Variants in ALK observed in about 807,000 individuals in gnomAD.
ALK encodes the protein ALK receptor tyrosine kinase.
A neutral mutation model predicts 163.1 loss-of-function variants in ALK; 74 were observed. That is an observed-to-expected ratio of 0.45 (90% CI 0.38 to 0.55). The LOEUF is 0.55. Among genes scored for constraint, ALK ranks in the 20% least tolerant of loss-of-function variants. ALK has a pLI of 0.00. For missense variants in ALK, 2,063 were observed against 2,105.3 expected (o/e 0.98, Z 0.39); for synonymous variants, 960 against 843.2 (o/e 1.14, Z -2.40).
chr2:29,232,600 A>G (rs562466798), intron 14 of ALK, 152 bp from the exon 15 acceptor site: 234 of 1,034,344 alleles, frequency 2.3e-4, no homozygotes, highest in Middle Eastern at 2.3e-3. Flanking sequence ...CGGGCTCTGA[A>G]CCCTTGTTAC....
chr2:29,870,950 T>C (rs796664704), intron 1 of ALK, among the ~76,000 whole-genome samples: 7 of 152,294 alleles, frequency 4.6e-5, no homozygotes, highest in Admixed American at 2.0e-4. Context: ...TCATGCAGGA[T>C]CACAGGGCAG....
chr2:29,477,803 A>G (rs758534808), intron 4 of ALK, among the ~76,000 whole-genome samples: 1 of 152,164 alleles, frequency 6.6e-6, no homozygotes, highest in African/African-American at 2.4e-5. Context: ...CTTAGGGGAA[A>G]TTGCTTCCCT....
chr2:29,468,437 G>C (rs1671265392), intron 4 of ALK, among the ~76,000 whole-genome samples: 1 of 152,186 alleles, frequency 6.6e-6, no homozygotes, highest in South Asian at 2.1e-4. Flanking sequence ...GGGTGAAGTT[G>C]AGGAGCCATG....
At chr2:29,267,964 G>C (rs1665263275) in intron 11 of ALK, among the ~76,000 whole-genome samples, 1 of 152,198 alleles carries the variant, frequency 6.6e-6, no homozygotes, top group Non-Finnish European at 1.5e-5. Flanking sequence ...GGCATACTGA[G>C]CCCAGAGTTC....
At chr2:29,667,377 A>T (rs1342319734) in intron 3 of ALK, among the ~76,000 whole-genome samples, 1 of 152,142 alleles carries the variant, frequency 6.6e-6, no homozygotes, top group Non-Finnish European at 1.5e-5. Context: ...GAAACTGGGC[A>T]TCCTTACCTT....
chr2:29,605,652 G>A (rs1291557783), intron 3 of ALK, among the ~76,000 whole-genome samples: 1 of 152,180 alleles, frequency 6.6e-6, no homozygotes, highest in Non-Finnish European at 1.5e-5. Context: ...TACGAGCCAG[G>A]AAGAAGGCCC....
chr2:29,490,615 C>T (rs944149020), intron 4 of ALK, among the ~76,000 whole-genome samples: 15 of 152,108 alleles, frequency 9.9e-5, no homozygotes, highest in African/African-American at 3.6e-4. Flanking sequence ...CCACTGTGTT[C>T]GACAACATCT....
chr2:29,461,024 G>A (rs554093923), intron 4 of ALK, among the ~76,000 whole-genome samples: 67 of 152,166 alleles, frequency 4.4e-4, no homozygotes, highest in Non-Finnish European at 7.1e-4. Flanking sequence ...CAGACTTATT[G>A]CTGCTGTGCA....
chr2:29,413,976 C>A (rs950830176), intron 4 of ALK, among the ~76,000 whole-genome samples: 7 of 152,334 alleles, frequency 4.6e-5, no homozygotes, highest in African/African-American at 1.4e-4. Flanking sequence ...TGTTTATTAT[C>A]ATTATCAAGT....
chr2:29,403,726 A>G (rs1669508532), intron 4 of ALK, among the ~76,000 whole-genome samples: 1 of 149,804 alleles, frequency 6.7e-6, no homozygotes, highest in Admixed American at 6.7e-5. Context: ...AAAAAAAAAA[A>G]AAAAAAAAAA....
At chr2:29,726,588 G>A (rs1679582169) in intron 1 of ALK, among the ~76,000 whole-genome samples, 1 of 152,152 alleles carries the variant, frequency 6.6e-6, no homozygotes. Flanking sequence ...AAGAACAACT[G>A]GCTCTTCTCT....
chr2:29,641,640 T>A (rs149954494), intron 3 of ALK, among the ~76,000 whole-genome samples: 3 of 152,126 alleles, frequency 2.0e-5, no homozygotes, highest in African/African-American at 7.2e-5. Flanking sequence ...CACCCCCTAC[T>A]ATTAGCACAA....
intron 1 of ALK, among the ~76,000 whole-genome samples, chr2:29,810,701 T>C (rs1246517963): frequency 6.6e-6 from 1 of 152,174 alleles, no homozygotes; most frequent in Non-Finnish European, 1.5e-5. Context: ...CCACAGGGCC[T>C]TTTCTGGCTG....
chr2:29,870,540 C>G (rs1274411764), intron 1 of ALK, among the ~76,000 whole-genome samples: 1 of 152,074 alleles, frequency 6.6e-6, no homozygotes, highest in Non-Finnish European at 1.5e-5. Context: ...GACATAGAGC[C>G]AAACCATATC....
At chr2:29,695,510 T>C (rs956501464) in intron 2 of ALK, among the ~76,000 whole-genome samples, 2 of 152,200 alleles carry the variant, frequency 1.3e-5, no homozygotes, top group African/African-American at 4.8e-5. Flanking sequence ...TGGTAAAACA[T>C]ACTGCCTAAG....
At chr2:29,705,001 T>G (rs1678852882) in intron 2 of ALK, among the ~76,000 whole-genome samples, 2 of 151,732 alleles carry the variant, frequency 1.3e-5, no homozygotes, top group African/African-American at 4.8e-5. Context: ...ATGGATCACT[T>G]GAGGTCAGGA....
At position 29,209,702 on chromosome 2, in the gene ALK, G is replaced by C. The variant is rs1669411531; in HGVS notation, c.3836+84C>G. On this transcript the variant is annotated intron_variant, in intron 25 of 28. Coordinates refer to ENST00000389048, the MANE Select transcript of ALK (RefSeq NM_004304.5). ...AGTTGACAGGGTACCAGGAGATGAT[G>C]TAAGGGACAAGCAGCCACACCCCAT... The C allele has an allele frequency of 1.4e-5, 14 of 986,050 alleles. No individual in the cohort carries two copies. In the South Asian group the frequency reaches 1.8e-4, roughly 13 times the overall value. The allele number at this position is 986,050 out of a possible 1,614,324, so 61.1% of individuals were successfully genotyped here.
chr2:29,831,050 A>G (rs1270589915), intron 1 of ALK, among the ~76,000 whole-genome samples: 1 of 55,748 alleles, frequency 1.8e-5, no homozygotes, highest in Non-Finnish European at 3.6e-5. Flanking sequence ...GAGGAGAAGG[A>G]GAAGAGGAAG....
intron 1 of ALK, among the ~76,000 whole-genome samples, chr2:29,878,378 T>A (rs1666774995): frequency 6.6e-6 from 1 of 152,226 alleles, no homozygotes; most frequent in Non-Finnish European, 1.5e-5. Flanking sequence ...GTTCACTGCC[T>A]CTATTACTCT....
Sources: gnomAD v4.1 joint callset for allele counts (sites outside exome capture counted in the v4.1 genomes callset) on GRCh38, gnomAD v4.1.1 for gene constraint, MANE v1.5 for transcripts, NCBI Gene and HGNC (gene_info 2026-07-23, HGNC 2026-07-21) for gene names.